Variants in AKR1C2 observed in about 807,000 individuals in gnomAD.
The protein encoded by AKR1C2 is 3-alpha-HSD3.
AKR1C2 carries 27 observed loss-of-function variants against 39.8 expected under a neutral mutation model. That is an observed-to-expected ratio of 0.68 (90% confidence interval 0.50 to 0.93). The LOEUF is 0.93. AKR1C2 is among the 40% of genes least tolerant of loss of function. The probability of loss-of-function intolerance (pLI) is 0.00; values close to 1 mark genes in which losing one functional copy is unlikely to be tolerated. For missense variants in AKR1C2, 263 were observed against 365.1 expected (o/e 0.72, Z 2.28); for synonymous variants, 114 against 137.9 (o/e 0.83, Z 1.22).
upstream of AKR1C2, among the ~76,000 whole-genome samples, chr10:5,005,158 T>C (rs59168192): frequency 0.015 from 2,235 of 152,216 alleles, 51 homozygotes; most frequent in African/African-American, 0.05. Context: ...AATTTCATAA[T>C]AGTAAGCAAT....
intron 1 of AKR1C2, among the ~76,000 whole-genome samples, chr10:5,012,529 T>C (rs1384656919): frequency 6.7e-6 from 1 of 150,270 alleles, no homozygotes; most frequent in African/African-American, 2.5e-5. Flanking sequence ...TAAGATGCCA[T>C]GCAGTTGGCT....
intron 1 of AKR1C2, among the ~76,000 whole-genome samples, chr10:5,009,683 C>A (rs376539426): frequency 6.6e-6 from 1 of 152,076 alleles, no homozygotes; most frequent in South Asian, 2.1e-4. Context: ...TTCACGCCCC[C>A]AAAATTTGCC....
At chr10:5,001,163 G>A (rs1358118560) in intron 2 of AKR1C2, among the ~76,000 whole-genome samples, 2 of 151,866 alleles carry the variant, frequency 1.3e-5, no homozygotes, top group Non-Finnish European at 2.9e-5. Flanking sequence ...TGATCAAAAT[G>A]ACAATGGAAA....
At position 4,988,903 on chromosome 10, in the gene AKR1C2, A is replaced by G. The variant is rs2131664059; in HGVS notation, c.*1093T>C. The G allele has an allele frequency of 6.6e-6, 1 of 152,282 alleles. No homozygotes were observed. Among genetic ancestry groups the G allele is most frequent in the South Asian group, 2.1e-4 (1 of 4,820 alleles). The allele number at this position is 152,282 out of a possible 1,614,324, so 9.4% of individuals were successfully genotyped here. A position where few individuals can be genotyped will look rare whatever the true frequency, so the allele number is the denominator to read the frequency against. ...GTAAGAGTTCTTCTTAAAATTTACC[A>G]AAGTTTGAAACCAGTGTGCTGTTTT... On this transcript the variant is annotated 3_prime_UTR_variant, in exon 9 of 9. Coordinates refer to ENST00000380753, the MANE Select transcript of AKR1C2 (RefSeq NM_001393392.1).
At chr10:4,996,316 A>AT (rs1554773075) in intron 5 of AKR1C2, among the ~76,000 whole-genome samples, 2 of 151,722 alleles carry the variant, frequency 1.3e-5, no homozygotes, top group Non-Finnish European at 2.9e-5. Flanking sequence ...TATATCATAT[A>AT]TGCCATCTAT....
In AKR1C2 at chr10:4,998,635, A is replaced by T; in HGVS notation, c.560T>A (p.Val187Asp). Residue 187 changes from valine to aspartate, a missense_variant, in exon 5 of 9, where the codon GTC becomes GAC. Val to Asp is a radical substitution (Grantham distance 152). Coordinates refer to ENST00000380753, the MANE Select transcript of AKR1C2 (RefSeq NM_001393392.1). ...GCTGAGGGCGCTCACCTGGTTGCAG[A>T]CAGGCTTGTACTTGAGCCCTGGCTT... ...LNKPGLKYKP[V>D]CNQVECHPYF... is the part of the protein sequence containing the mutation. 1.2e-6 allele frequency: 2 copies of T among 1,614,146 alleles called. No individual in the cohort carries two copies. Among genetic ancestry groups the T allele is most frequent in the South Asian group, 2.2e-5 (2 of 91,078 alleles).
In AKR1C2 at chr10:4,988,206, G is replaced by A. The variant is rs1466312109; in HGVS notation, c.*1790C>T. ...CTTGGCTACGAAGTTTTAACAAAAT[G>A]TCAATCTTTTCTTGACACTTACATC... On this transcript the variant is annotated 3_prime_UTR_variant, in exon 9 of 9. Transcript: ENST00000380753. 12 of 152,180 alleles carry A rather than the reference G, an allele frequency of 7.9e-5. No homozygotes were observed. Among genetic ancestry groups the A allele is most frequent in the African/African-American group, 2.7e-4 (11 of 41,442 alleles). 9.4% of individuals were successfully genotyped at this position (152,180 alleles called of 1,614,324 possible).
intron 1 of AKR1C2, among the ~76,000 whole-genome samples, chr10:5,016,868 A>G (rs1330562306): frequency 1.3e-5 from 2 of 152,230 alleles, no homozygotes; most frequent in East Asian, 3.8e-4. Flanking sequence ...CCCAAGCCTC[A>G]TCTCTTAGTC....
chr10:5,007,167 A>G (rs2131717987), upstream of AKR1C2, among the ~76,000 whole-genome samples: 1 of 147,358 alleles, frequency 6.8e-6, no homozygotes, highest in East Asian at 2.0e-4. Context: ...AGAAATGCTT[A>G]AGAGAGTCAT....
intron 7 of AKR1C2, among the ~76,000 whole-genome samples, chr10:4,994,192 T>C (rs1836944784): frequency 6.6e-6 from 1 of 151,956 alleles, no homozygotes; most frequent in African/African-American, 2.4e-5. Context: ...TTAGAAAACA[T>C]ACACATATGT....
rs180751645 is a variant in AKR1C2, at chr10:4,996,104, G to A, written c.571-239C>T. 1,907 of 664,548 alleles carry A rather than the reference G, an allele frequency of 2.9e-3. 32 individuals carry two copies. The African/African-American group carries it at 0.03, about 11-fold the overall frequency. The allele number at this position is 664,548 out of a possible 1,614,324, so 41.2% of individuals were successfully genotyped here. Reference sequence around the variant, plus strand: ...CCTATCCTGGTTTCTCAATAACTCCGACCACTAGAAGGAGACACGGCCAAT... The same window carrying A: ...CCTATCCTGGTTTCTCAATAACTCCAACCACTAGAAGGAGACACGGCCAAT... On this transcript the variant is annotated intron_variant, in intron 5 of 8. Transcript: ENST00000380753.
rs1418563972 is a variant in AKR1C2 at position 4,989,227 on chromosome 10, A to G, written c.*769T>C. The G allele has an allele frequency of 6.6e-6, 1 of 151,912 alleles. No individual in the cohort carries two copies. The highest frequency in any genetic ancestry group is 2.1e-4 in the South Asian group (1 of 4,816). 9.4% of individuals were successfully genotyped at this position (151,912 alleles called of 1,614,324 possible). A position where few individuals can be genotyped will look rare whatever the true frequency, so the allele number is the denominator to read the frequency against. On this transcript the variant is annotated 3_prime_UTR_variant, in exon 9 of 9. Transcript: ENST00000380753. ...CAAACCAATAGGGTCAACGTTGTGAATGGGCACACATCAAAGATTCAGGCC... is the reference window on the plus strand; with the variant it reads ...CAAACCAATAGGGTCAACGTTGTGAGTGGGCACACATCAAAGATTCAGGCC...
At chr10:4,998,847 A>G in intron 4 of AKR1C2, 100 bp from the exon 5 acceptor site, 2 of 1,537,560 alleles carry the variant, frequency 1.3e-6, no homozygotes, top group Non-Finnish European at 1.8e-6. Flanking sequence ...TAGACGTGAC[A>G]ATCAAACTAG....
chr10:5,005,193 A>T (rs1430194741), upstream of AKR1C2, among the ~76,000 whole-genome samples: 2 of 152,188 alleles, frequency 1.3e-5, no homozygotes, highest in African/African-American at 2.4e-5. Context: ...TTATTTGGGG[A>T]AATATAAAAG....
chr10:4,994,421 G>A (rs192776150), intron 7 of AKR1C2, among the ~76,000 whole-genome samples: 130 of 152,224 alleles, frequency 8.5e-4, no homozygotes, highest in Non-Finnish European at 1.5e-3. Context: ...CTTCCAGTAA[G>A]AGGTGGTGTG....
upstream of AKR1C2, among the ~76,000 whole-genome samples, chr10:5,008,173 G>C (rs569256736): frequency 4.0e-5 from 6 of 151,418 alleles, no homozygotes; most frequent in African/African-American, 1.5e-4. Context: ...CCACAGCTTT[G>C]CTACACAGTG....
chr10:4,993,587 C>T (rs1317644199), intron 7 of AKR1C2, among the ~76,000 whole-genome samples: 2 of 151,864 alleles, frequency 1.3e-5, no homozygotes, highest in African/African-American at 4.8e-5. Flanking sequence ...TAAGACACAA[C>T]ACACACCAAC....
At chr10:5,016,740 A>G (rs1292331378) in intron 1 of AKR1C2, among the ~76,000 whole-genome samples, 1 of 152,118 alleles carries the variant, frequency 6.6e-6, no homozygotes, top group African/African-American at 2.4e-5. Context: ...CTCAAACCCC[A>G]CATTCCCCCT....
At chr10:5,015,435 G>C (rs1837617059) in intron 1 of AKR1C2, among the ~76,000 whole-genome samples, 1 of 152,116 alleles carries the variant, frequency 6.6e-6, no homozygotes, top group Non-Finnish European at 1.5e-5. Flanking sequence ...GTCCCCAGGG[G>C]CTTATAATTT....
Sources: gnomAD v4.1 joint callset for allele counts (sites outside exome capture counted in the v4.1 genomes callset) on GRCh38, gnomAD v4.1.1 for gene constraint, MANE v1.5 for transcripts, NCBI Gene and HGNC (gene_info 2026-07-23, HGNC 2026-07-21) for gene names.